The following THSD7B variants were observed in gnomAD, a reference collection of about 807,000 sequenced individuals.
THSD7B encodes the protein thrombospondin type 1 domain containing 7B.
Under a neutral mutation model 213.6 loss-of-function variants are expected in THSD7B, and 138 were observed. The observed-to-expected ratio is 0.65, with a 90% CI of 0.56 to 0.74. The LOEUF (loss-of-function observed/expected upper bound fraction) is 0.74, where lower values mean the gene tolerates loss of function less well. Ranked by LOEUF, THSD7B falls within the 30% of genes least tolerant of loss-of-function variation. THSD7B has a pLI of 0.00. For missense variants in THSD7B, 1,931 were observed against 1,991.5 expected, an observed-to-expected ratio of 0.97 and a Z score of 0.58; for synonymous variants, 742 against 687.0, an observed-to-expected ratio of 1.08 and a Z score of -1.25.
At chr2:137,230,567 A>G (rs1420106740) in intron 7 of THSD7B, among the ~76,000 whole-genome samples, 1 of 152,212 alleles carries the variant, frequency 6.6e-6, no homozygotes, top group African/African-American at 2.4e-5. Context: ...AAAAAGGAGA[A>G]CAAAACAGTC....
intron 1 of THSD7B, among the ~76,000 whole-genome samples, chr2:136,817,667 A>G (rs1228021934): frequency 6.6e-6 from 1 of 152,026 alleles, no homozygotes; most frequent in Non-Finnish European, 1.5e-5. Context: ...AAGATCAGAT[A>G]GTTGTAGATA....
intron 12 of THSD7B, among the ~76,000 whole-genome samples, chr2:137,396,814 T>A (rs1686203726): frequency 6.6e-6 from 1 of 151,800 alleles, no homozygotes; most frequent in Admixed American, 6.6e-5. Flanking sequence ...TCTTTGTAGG[T>A]CAGTTAGGAC....
In THSD7B at chr2:137,565,085, G is replaced by A. The variant is rs145726640; in HGVS notation, c.3272+1731G>A. On this transcript the variant is annotated intron_variant, in intron 16 of 27. Coordinates refer to ENST00000409968, the MANE Select transcript of THSD7B (RefSeq NM_001316349.2). ...GACCATGTGAAGACAGGGAGAAGAT[G>A]CCCATCTATAAACCAAGGAAAGAGG... 1.8e-4 allele frequency among the ~76,000 whole-genome samples: 27 copies of A among 152,168 alleles called. No homozygotes were observed. In the East Asian group the frequency reaches 5.2e-3, roughly 29 times the overall value.
chr2:136,804,985 G>A (rs147055754), intron 1 of THSD7B, among the ~76,000 whole-genome samples: 186 of 152,222 alleles, frequency 1.2e-3, no homozygotes, highest in African/African-American at 4.3e-3. Context: ...GGGTGATGGC[G>A]AAACAAATTT....
intron 2 of THSD7B, among the ~76,000 whole-genome samples, chr2:137,046,836 G>A (rs1354610808): frequency 1.3e-5 from 2 of 152,092 alleles, no homozygotes; most frequent in Admixed American, 1.3e-4. Flanking sequence ...CCAGTGTGGT[G>A]AGAAAGCAGT....
At chr2:137,425,985 T>C (rs1415052313) in intron 14 of THSD7B, among the ~76,000 whole-genome samples, 1 of 152,144 alleles carries the variant, frequency 6.6e-6, no homozygotes, top group Non-Finnish European at 1.5e-5. Context: ...TCAGTAAATT[T>C]GCAGGAAACA....
At chr2:137,329,101 G>C (rs879802301) in intron 12 of THSD7B, among the ~76,000 whole-genome samples, 1 of 152,202 alleles carries the variant, frequency 6.6e-6, no homozygotes, top group African/African-American at 2.4e-5. Context: ...GAAAAGTTTG[G>C]AGGGCTCAGA....
chr2:137,039,214 C>G (rs906900138), intron 2 of THSD7B, among the ~76,000 whole-genome samples: 7 of 152,254 alleles, frequency 4.6e-5, no homozygotes, highest in African/African-American at 1.7e-4. Flanking sequence ...GGATCACTGT[C>G]CTGAATCTTC....
At chr2:137,448,443 G>A (rs1465076575) in intron 14 of THSD7B, among the ~76,000 whole-genome samples, 1 of 152,294 alleles carries the variant, frequency 6.6e-6, no homozygotes, top group East Asian at 1.9e-4. Context: ...ATTTAAGATA[G>A]AAGAGACGGG....
chr2:136,952,434 C>CTTTT (rs35848268), intron 2 of THSD7B, among the ~76,000 whole-genome samples: 5,437 of 125,472 alleles, frequency 0.043, 244 homozygotes, highest in African/African-American at 0.12. Context: ...GGGCAGAAAA[C>CTTTT]TTTTTTTTTT....
chr2:136,972,038 A>T (rs1685413303), intron 2 of THSD7B, among the ~76,000 whole-genome samples: 1 of 152,140 alleles, frequency 6.6e-6, no homozygotes, highest in South Asian at 2.1e-4. Flanking sequence ...AATCTAGGAA[A>T]CCTTTCCTGG....
intron 2 of THSD7B, among the ~76,000 whole-genome samples, chr2:137,008,804 T>C (rs770902196): frequency 2.0e-5 from 3 of 152,228 alleles, no homozygotes. Flanking sequence ...ATTGTGCCTG[T>C]TGTAATCCAC....
intron 12 of THSD7B, among the ~76,000 whole-genome samples, chr2:137,310,615 T>C (rs1330827145): frequency 6.6e-6 from 1 of 152,090 alleles, no homozygotes; most frequent in Non-Finnish European, 1.5e-5. Flanking sequence ...CTAGGTTTTC[T>C]TCTAGGGTTT....
Position 137,523,316 on chromosome 2 carries a change from C to A in THSD7B, c.3139-39905C>A, listed in dbSNP as rs993171998. The stretch of plus-strand genomic sequence containing the variant: ...ATTTTCACATTTCCAAGCCCAGAAA[C>A]CTCTGTTTCTTCTCACATTTGGAGT... On this transcript the variant is annotated intron_variant, in intron 15 of 27. Transcript: ENST00000409968. Among the ~76,000 whole-genome samples the A allele has an allele frequency of 3.3e-5, 5 of 152,272 alleles. No individual in the cohort carries two copies. The East Asian group carries it at 9.7e-4, about 29-fold the overall frequency.
At chr2:137,237,372 G>C (rs573737345) in intron 9 of THSD7B, among the ~76,000 whole-genome samples, 1 of 152,274 alleles carries the variant, frequency 6.6e-6, no homozygotes, top group South Asian at 2.1e-4. Context: ...CTTCAGTTTT[G>C]TTGCGGAAAT....
chr2:136,957,749 G>T (rs1164436303), intron 2 of THSD7B, among the ~76,000 whole-genome samples: 1 of 152,050 alleles, frequency 6.6e-6, no homozygotes, highest in East Asian at 1.9e-4. Context: ...GAGAAACCTT[G>T]GCTTATTAAA....
At position 137,589,623 on chromosome 2, in the gene THSD7B, A is replaced by G. The variant is rs186964440; in HGVS notation, c.3423+17067A>G. Among the ~76,000 whole-genome samples, 485 of 152,224 alleles carry G rather than the reference A, an allele frequency of 3.2e-3. 1 individual carries two copies. The highest frequency in any genetic ancestry group is 0.011 in the African/African-American group (464 of 41,538). On this transcript the variant is annotated intron_variant, in intron 17 of 27. Transcript: ENST00000409968. ...TGTTTTTCATGTTTCTATTCACTTC[A>G]CTAGACTTTTACATTTGCTCTTGCA...
In THSD7B at chr2:136,825,718, A is replaced by AT. The variant is rs55814718; in HGVS notation, c.-35-56410dup. 1.3e-3 allele frequency among the ~76,000 whole-genome samples: 152 copies of AT among 116,874 alleles called. 4 individuals carry two copies. The highest frequency in any genetic ancestry group is 1.6e-3 in the African/African-American group (47 of 29,900). 76.7% of individuals were successfully genotyped at this position (116,874 alleles called of 152,430 possible). On this transcript the variant is annotated intron_variant, in intron 1 of 27. Transcript: ENST00000409968. ...AGGTGCTCACTGCCATGCCTGGCTA[A>AT]TTTTTTTTTTTTTTTTAGATCTGGG...
chr2:136,815,323 G>A (rs1406957996), intron 1 of THSD7B, among the ~76,000 whole-genome samples: 1 of 152,066 alleles, frequency 6.6e-6, no homozygotes, highest in African/African-American at 2.4e-5. Flanking sequence ...GTCAATTTTG[G>A]GTCAGTTCCA....
Sources: allele counts gnomAD v4.1 joint callset (sites outside exome capture counted in the v4.1 genomes callset), GRCh38; gene constraint gnomAD v4.1.1; transcripts MANE v1.5; gene names NCBI Gene and HGNC (gene_info 2026-07-23, HGNC 2026-07-21).